The following CSMD1 variants were observed in gnomAD, a reference collection of about 807,000 sequenced individuals.
CSMD1 encodes the protein CUB and sushi domain-containing protein 1.
A neutral mutation model predicts 417.5 loss-of-function variants in CSMD1; 213 were observed. That is an observed-to-expected ratio of 0.51 (90% CI 0.46 to 0.57). CSMD1 has a LOEUF of 0.57. Among genes scored for constraint, CSMD1 ranks in the 20% least tolerant of loss-of-function variants. The probability of loss-of-function intolerance (pLI) is 0.00; values close to 1 mark genes in which losing one functional copy is unlikely to be tolerated. For synonymous variants in CSMD1, 2,862 were observed against 1,736.8 expected (o/e 1.65, Z -16.11); for missense variants, 6,923 against 4,529.7 (o/e 1.53, Z -15.17).
At chr8:3,094,889 A>C (rs1000625245) in intron 47 of CSMD1, among the ~76,000 whole-genome samples, 2 of 152,116 alleles carry the variant, frequency 1.3e-5, no homozygotes, top group African/African-American at 4.8e-5. Flanking sequence ...TCGCTTAAAA[A>C]CATATTCACA....
At chr8:4,326,640 G>A (rs1327283846) in intron 3 of CSMD1, among the ~76,000 whole-genome samples, 1 of 152,124 alleles carries the variant, frequency 6.6e-6, no homozygotes, top group African/African-American at 2.4e-5. Context: ...TAGGATAAAA[G>A]CATCTACCCA....
chr8:4,561,675 C>G (rs1412027142), intron 2 of CSMD1, among the ~76,000 whole-genome samples: 1 of 151,916 alleles, frequency 6.6e-6, no homozygotes, highest in Admixed American at 6.6e-5. Flanking sequence ...CAGTGAGACT[C>G]TGTTAAAAGA....
At chr8:4,715,513 A>T (rs187334399) in intron 1 of CSMD1, among the ~76,000 whole-genome samples, 1 of 152,278 alleles carries the variant, frequency 6.6e-6, no homozygotes, top group African/African-American at 2.4e-5. Flanking sequence ...CTGTATCTCC[A>T]GATCAGACTT....
At chr8:4,104,140 C>A (rs547548531) in intron 3 of CSMD1, among the ~76,000 whole-genome samples, 3 of 152,208 alleles carry the variant, frequency 2.0e-5, no homozygotes, top group African/African-American at 4.8e-5. Flanking sequence ...TTCAGTCCCT[C>A]GTCTGCAGCA....
rs138181825 is a variant in CSMD1, at chr8:4,003,407, C to A, written c.611-5297G>T. ...GACACTGTCTCAATAAACAAACAAA[C>A]AAAAAAACAAACAAATAAATAAATA... On this transcript the variant is annotated intron_variant, in intron 4 of 69. Transcript: ENST00000635120. Among the ~76,000 whole-genome samples, 90 of 118,082 alleles carry A rather than the reference C, an allele frequency of 7.6e-4. 3 individuals are homozygous for A. The highest frequency in any genetic ancestry group is 5.0e-3 in the Middle Eastern group (1 of 202). 77.5% of individuals were successfully genotyped at this position (118,082 alleles called of 152,430 possible).
chr8:4,165,086 T>G (rs1376428717), intron 3 of CSMD1, among the ~76,000 whole-genome samples: 1 of 152,098 alleles, frequency 6.6e-6, no homozygotes, highest in Non-Finnish European at 1.5e-5. Flanking sequence ...GGTACAGATG[T>G]GTGTTTAGAG....
At chr8:4,414,323 A>C (rs1154039) in intron 3 of CSMD1, among the ~76,000 whole-genome samples, 3,643 of 152,268 alleles carry the variant, frequency 0.024, 47 homozygotes, top group South Asian at 0.052. Context: ...CACTTCCTGA[A>C]ACCCGAAGAA....
At chr8:4,202,769 T>C (rs1050156075) in intron 3 of CSMD1, among the ~76,000 whole-genome samples, 1 of 152,152 alleles carries the variant, frequency 6.6e-6, no homozygotes, top group African/African-American at 2.4e-5. Context: ...ATGATAGTGA[T>C]AGAACAGAGA....
At chr8:3,642,762 G>A (rs1370106213) in intron 7 of CSMD1, among the ~76,000 whole-genome samples, 1 of 151,964 alleles carries the variant, frequency 6.6e-6, no homozygotes, top group Non-Finnish European at 1.5e-5. Context: ...GAACAAGAAG[G>A]CAATAAACGC....
intron 3 of CSMD1, among the ~76,000 whole-genome samples, chr8:4,241,735 G>A (rs1022459837): frequency 5.4e-5 from 8 of 147,492 alleles, no homozygotes; most frequent in Non-Finnish European, 1.2e-4. Context: ...ACGGAGTCTC[G>A]CTCTGTCGCC....
At chr8:4,495,082 G>C (rs62479714) in intron 2 of CSMD1, among the ~76,000 whole-genome samples, 5,103 of 152,194 alleles carry the variant, frequency 0.034, 121 homozygotes, top group South Asian at 0.088. Flanking sequence ...AAAGAAACCA[G>C]ATTCACTATT....
At chr8:3,859,010 A>G (rs1165942707) in intron 5 of CSMD1, among the ~76,000 whole-genome samples, 2 of 152,214 alleles carry the variant, frequency 1.3e-5, no homozygotes, top group Admixed American at 6.5e-5. Context: ...TCATAGTGCT[A>G]TGAAGTGTTC....
chr8:4,289,308 A>G (rs2128866019), intron 3 of CSMD1, among the ~76,000 whole-genome samples: 1 of 152,334 alleles, frequency 6.6e-6, no homozygotes, highest in South Asian at 2.1e-4. Flanking sequence ...ATTATATATG[A>G]GATTGCTATC....
At chr8:3,154,095 T>C (rs1271472267) in intron 39 of CSMD1, among the ~76,000 whole-genome samples, 1 of 151,944 alleles carries the variant, frequency 6.6e-6, no homozygotes, top group Non-Finnish European at 1.5e-5. Context: ...GCCTCCCGAG[T>C]AGCTGGGATT....
intron 7 of CSMD1, among the ~76,000 whole-genome samples, chr8:3,643,599 G>A (rs1413391865): frequency 6.6e-6 from 1 of 151,624 alleles, no homozygotes; most frequent in Non-Finnish European, 1.5e-5. Flanking sequence ...TACCCGGGCG[G>A]CTGAGGCAGG....
chr8:4,065,713 T>C (rs1799210821), intron 3 of CSMD1, among the ~76,000 whole-genome samples: 1 of 152,216 alleles, frequency 6.6e-6, no homozygotes. Flanking sequence ...GTATCTGTGC[T>C]AGGTTATGTA....
At position 4,469,288 on chromosome 8, in the gene CSMD1, G is replaced by C. The variant is rs73514634; in HGVS notation, c.303-49223C>G. 5.3e-3 allele frequency among the ~76,000 whole-genome samples: 802 copies of C among 152,308 alleles called. 3 individuals are homozygous for C. Among genetic ancestry groups the C allele is most frequent in the African/African-American group, 0.018 (761 of 41,568 alleles). ...CAGCAAAGACACTATGATTGTCATA[G>C]TCAGTGGGACTTTCTCATTCTAACA... On this transcript the variant is annotated intron_variant, in intron 2 of 69. Coordinates refer to ENST00000635120, the MANE Select transcript of CSMD1 (RefSeq NM_033225.6).
chr8:3,500,942 G>C lies in CSMD1; in HGVS notation c.1345-7216C>G, dbSNP rs189708194. 5.3e-5 allele frequency among the ~76,000 whole-genome samples: 8 copies of C among 152,238 alleles called. No homozygotes were observed. In the East Asian group the frequency reaches 7.7e-4, roughly 15 times the overall value. On this transcript the variant is annotated intron_variant, in intron 10 of 69. Coordinates refer to ENST00000635120, the MANE Select transcript of CSMD1 (RefSeq NM_033225.6). ...TTTCTTTTAATGGAGAATATTGCAA[G>C]AGAATAAGAATGATTCAATAAGTAT...
At chr8:4,512,962 G>A (rs1056716295) in intron 2 of CSMD1, among the ~76,000 whole-genome samples, 3 of 152,124 alleles carry the variant, frequency 2.0e-5, no homozygotes, top group African/African-American at 7.2e-5. Context: ...CAAAATTAGG[G>A]AAACAGTGAA....
Sources: gnomAD v4.1 joint callset for allele counts (sites outside exome capture counted in the v4.1 genomes callset) on GRCh38, gnomAD v4.1.1 for gene constraint, MANE v1.5 for transcripts, NCBI Gene and HGNC (gene_info 2026-07-23, HGNC 2026-07-21) for gene names.